The following E4F1 variants were observed in gnomAD, a reference collection of about 807,000 sequenced individuals.
E4F1 encodes transcription factor E4F1.
Under a neutral mutation model 72.9 loss-of-function variants are expected in E4F1, and 30 were observed. The ratio of observed to expected loss-of-function variants is 0.41; its 90% confidence interval spans 0.31 to 0.56. E4F1 has a LOEUF of 0.56. Among genes scored for constraint, E4F1 ranks in the 20% least tolerant of loss-of-function variants. The pLI, the probability that E4F1 is intolerant of heterozygous loss-of-function variation, is 0.25. For missense variants in E4F1, 1,091 were observed against 1,117.5 expected (o/e 0.98, Z 0.34); for synonymous variants, 542 against 478.2 (o/e 1.13, Z -1.74).
At chr16:2,229,489 C>A in intron 2 of E4F1, 81 bp from the exon 3 acceptor site, 1 of 1,451,624 alleles carries the variant, frequency 6.9e-7, no homozygotes. Context: ...CAGCTTTACA[C>A]TGGCAGAGCC....
In E4F1 at chr16:2,234,764, G is replaced by A. The variant is rs1348149099; in HGVS notation, c.1775G>A (p.Arg592Gln). 3.2e-6 allele frequency: 5 copies of A among 1,548,236 alleles called. No individual in the cohort carries two copies. The highest frequency in any genetic ancestry group is 2.1e-4 in the Middle Eastern group (1 of 4,700). ...RGFAEHGTLN[R>Q]HLRTKGGCLL... is the part of the protein sequence containing the mutation. ...TTCGCCGAGCACGGCACGCTGAACC[G>A]GCACCTGCGCACCAAAGGTCTGGGC... Residue 592 changes from arginine to glutamine, a missense_variant, in exon 11 of 14, where the codon CGG becomes CAG. Around this residue, in one of 5 missense-constraint regions of E4F1, gnomAD observed 622 missense variants for 628.0 expected, o/e 0.99. Transcript: ENST00000301727.
intron 2 of E4F1, 39 bp downstream of exon 2, chr16:2,228,562 A>G: frequency 6.3e-7 from 1 of 1,598,570 alleles, no homozygotes; most frequent in Non-Finnish European, 8.5e-7. Context: ...TCCCGGGTTC[A>G]CCTGACAGGT....
At chr16:2,233,741 A>T (rs1307017552) in intron 8 of E4F1, 94 bp downstream of exon 8, 45 of 1,451,222 alleles carry the variant, frequency 3.1e-5, no homozygotes, top group Non-Finnish European at 4.2e-5. Flanking sequence ...GGCTTTCTGC[A>T]GTGACTTTGT....
At chr16:2,232,114 T>G (rs2093470831) in intron 3 of E4F1, 57 bp from the exon 4 acceptor site, 1 of 1,593,388 alleles carries the variant, frequency 6.3e-7, no homozygotes, top group Non-Finnish European at 8.5e-7. Flanking sequence ...GCCAGCAGTC[T>G]CTGGGGTCTC....
chr16:2,234,774 C>A lies in E4F1; in HGVS notation c.1785C>A (p.Arg595=), dbSNP rs550403405. The stretch of plus-strand genomic sequence containing the variant: ...ACGGCACGCTGAACCGGCACCTGCG[C>A]ACCAAAGGTCTGGGCCGGTGGAGGT... The part of the protein sequence containing the change: ...AEHGTLNRHL[R]TKGGCLLEVE... The change falls in exon 11 of 14, where the codon CGC becomes CGA. Residue 595 remains arginine, a synonymous_variant. Transcript: ENST00000301727. 1.0e-5 allele frequency: 16 copies of A among 1,547,386 alleles called. No individual in the cohort carries two copies. The highest frequency in any genetic ancestry group is 1.4e-5 in the Non-Finnish European group (16 of 1,146,186).
intron 9 of E4F1, 78 bp from the exon 10 acceptor site, chr16:2,234,093 G>A: frequency 6.4e-7 from 1 of 1,568,112 alleles, no homozygotes; most frequent in Non-Finnish European, 8.7e-7. Context: ...AGGGAGCCAG[G>A]GGATCTGTGG....
chr16:2,231,758 C>T (rs901488089), intron 3 of E4F1: 4 of 179,186 alleles, frequency 2.2e-5, no homozygotes, highest in African/African-American at 4.8e-5. Context: ...AGAGTGGCCC[C>T]GGACGCACAT....
chr16:2,234,625 C>T lies in E4F1; in HGVS notation c.1636C>T (p.Pro546Ser). 2 of 1,600,844 alleles carry T rather than the reference C, an allele frequency of 1.2e-6. No homozygotes were observed. Residue 546 changes from proline (P) to serine (S), a missense_variant, in exon 11 of 14, where the codon CCG becomes TCG. Physicochemically the swap from Pro to Ser is moderately conservative, Grantham distance 74. Coordinates refer to ENST00000301727, the MANE Select transcript of E4F1 (RefSeq NM_004424.5). ...VHFRTHLEEK[P>S]HVCQFCSRGF... ...CTTCAGGACACACCTGGAGGAGAAG[C>T]CGCACGTGTGCCAGTTCTGCAGCCG... is the stretch of plus-strand genomic sequence containing the variant.
At position 2,233,430 on chromosome 16, in the gene E4F1, C is replaced by T. The variant is rs748019819; in HGVS notation, c.1057-8C>T. The stretch of plus-strand genomic sequence containing the variant: ...CTGGCCAGCCTCCTCTCTCTGCCTC[C>T]CCTGCAGCCCCCCGTCTCCCAGGAG... On this transcript the variant is annotated splice_region_variant and splice_polypyrimidine_tract_variant and intron_variant, in intron 7 of 13. Coordinates refer to ENST00000301727, the MANE Select transcript of E4F1 (RefSeq NM_004424.5). 4.0e-6 allele frequency: 6 copies of T among 1,508,568 alleles called. No individual in the cohort carries two copies. The highest frequency in any genetic ancestry group is 1.8e-4 in the Middle Eastern group (1 of 5,428). 93.4% of individuals were successfully genotyped at this position (1,508,568 alleles called of 1,614,324 possible).
At chr16:2,231,955 C>A (rs1161478144) in intron 3 of E4F1, 1 of 599,998 alleles carries the variant, frequency 1.7e-6, no homozygotes, top group Non-Finnish European at 2.9e-6. Context: ...CTCTGGGCAG[C>A]CTGACAGAGT....
In E4F1 at chr16:2,235,741, C is replaced by T. The variant is rs895037309; in HGVS notation, c.*169C>T. 17 of 639,888 alleles carry T rather than the reference C, an allele frequency of 2.7e-5. No homozygotes were observed. The highest frequency in any genetic ancestry group is 5.1e-6 in the Non-Finnish European group (2 of 388,534). The allele number at this position is 639,888 out of a possible 1,614,324, so 39.6% of individuals were successfully genotyped here. A position where few individuals can be genotyped will look rare whatever the true frequency, so the allele number is the denominator to read the frequency against. ...CTTTACAATAAAACATGAGAACCTG[C>T]AGCTTGTGATGTTGTGGCAGTGGCA... On this transcript the variant is annotated 3_prime_UTR_variant, in exon 14 of 14. Transcript: ENST00000301727.
At position 2,232,875 on chromosome 16, in the gene E4F1, G is replaced by A; in HGVS notation, c.850G>A (p.Asp284Asn). The change falls in exon 6 of 14, where the codon GAC (aspartate) becomes AAC (asparagine). Residue 284 changes from aspartate (D) to asparagine (N), a missense_variant. Asp to Asn is a conservative substitution (Grantham distance 23, BLOSUM62 1). Coordinates refer to ENST00000301727, the MANE Select transcript of E4F1 (RefSeq NM_004424.5). ...GAAAATCCGCTTCAGTGTGAGCAAG[G>A]ACGTGGTTGTCAGCAAAGAGGACGC... The part of the protein sequence containing the change: ...TEKIRFSVSK[D>N]VVVSKEDARA... 1 of 1,613,426 alleles carries A rather than the reference G, an allele frequency of 6.2e-7. No homozygotes were observed. The highest frequency in any genetic ancestry group is 8.5e-7 in the Non-Finnish European group (1 of 1,180,010).
rs750115247 is a variant in E4F1, at chr16:2,229,537, G to A, written c.310-33G>A. ...CTGAGAACTAACTCTGGAGCATACA[G>A]ACGACTCCCCTGTTTTCTTCCCCCT... On this transcript the variant is annotated intron_variant, in intron 2 of 13. Transcript: ENST00000301727. The A allele has an allele frequency of 3.8e-6, 6 of 1,598,094 alleles. No homozygotes were observed. The East Asian group carries it at 8.9e-5, about 24-fold the overall frequency.
chr16:2,235,376 CAG>C lies in E4F1; in HGVS notation c.2162_2163del (p.Glu721AlafsTer26), dbSNP rs2093501656. The C allele has an allele frequency of 6.2e-7, 1 of 1,610,686 alleles. No homozygotes were observed. Among genetic ancestry groups the C allele is most frequent in the South Asian group, 1.1e-5 (1 of 91,080 alleles). Reference sequence around the variant, plus strand: ...ACCATCGCCACCCCCGAGAGCCTGACAGAGCAGGTGGCCATGACGCTGGCCTC... The same window carrying C: ...ACCATCGCCACCCCCGAGAGCCTGACAGCAGGTGGCCATGACGCTGGCCTC... On this transcript the variant is annotated frameshift_variant, in exon 14 of 14. Transcript: ENST00000301727. LOFTEE classifies it high-confidence loss of function.
chr16:2,225,791 GAAAAAAA>G (rs766755916), intron 1 of E4F1, among the ~76,000 whole-genome samples: 4 of 64,982 alleles, frequency 6.2e-5, no homozygotes, highest in South Asian at 1.1e-3. Flanking sequence ...CTCTGTTTAG[GAAAAAAA>G]AAAAAAAAAA....
intron 5 of E4F1, 75 bp from the exon 6 acceptor site, chr16:2,232,681 C>T: frequency 6.2e-7 from 1 of 1,606,254 alleles, no homozygotes; most frequent in South Asian, 1.1e-5. Context: ...GGCGGGGGCC[C>T]CTGCCTGCCT....
chr16:2,231,744 T>C (rs1348994680), intron 3 of E4F1: 1 of 172,786 alleles, frequency 5.8e-6, no homozygotes, highest in Non-Finnish European at 1.3e-5. Context: ...TCTCCTCCGA[T>C]GGAAGAGTGG....
chr16:2,229,427 A>C, intron 2 of E4F1, 143 bp from the exon 3 acceptor site: 1 of 779,500 alleles, frequency 1.3e-6, no homozygotes, highest in Non-Finnish European at 2.1e-6. Flanking sequence ...CCCCCACCCC[A>C]GCCGTCCCAA....
In E4F1 at chr16:2,233,373, C is replaced by T. The variant is rs1319165301; in HGVS notation, c.1057-65C>T. The T allele has an allele frequency of 2.1e-6, 3 of 1,455,076 alleles. No individual in the cohort carries two copies. In the African/African-American group the frequency reaches 4.3e-5, roughly 21 times the overall value. The allele number at this position is 1,455,076 out of a possible 1,614,324, so 90.1% of individuals were successfully genotyped here. ...GCACAAGGCTCCTGGCGTGCGTCTGCCCCATGGGGTGGGTGCTGGATGCCA... is the reference window on the plus strand; with the variant it reads ...GCACAAGGCTCCTGGCGTGCGTCTGTCCCATGGGGTGGGTGCTGGATGCCA... On this transcript the variant is annotated intron_variant, in intron 7 of 13. Transcript: ENST00000301727.
Sources: allele counts gnomAD v4.1 joint callset (sites outside exome capture counted in the v4.1 genomes callset), GRCh38; gene constraint gnomAD v4.1.1; regional missense constraint gnomAD v4.1.1; transcripts MANE v1.5; gene names NCBI Gene and HGNC (gene_info 2026-07-23, HGNC 2026-07-21).